GPHN: variants seen among roughly 807,000 people sequenced by gnomAD.
GPHN encodes gephyrin.
In GPHN, 17 loss-of-function variants were observed where a neutral mutation model predicts 95.5. That is an observed-to-expected ratio of 0.18 (90% confidence interval 0.12 to 0.27). GPHN has a LOEUF of 0.27. Among genes scored for constraint, GPHN ranks in the 10% least tolerant of loss-of-function variants. GPHN has a pLI of 1.00. For missense variants in GPHN, 660 were observed against 978.1 expected, an observed-to-expected ratio of 0.67 and a Z score of 4.34; for synonymous variants, 320 against 322.5, an observed-to-expected ratio of 0.99 and a Z score of 0.08.
chr14:67,200,541 A>C, the GPHN span: 1 of 239,422 alleles, frequency 4.2e-6, no homozygotes, highest in East Asian at 1.2e-4. Flanking sequence ...ATAAAACTAA[A>C]CTCCTTGTTT....
the GPHN span, chr14:67,320,546 T>G: frequency 1.4e-6 from 1 of 735,480 alleles, no homozygotes. Flanking sequence ...TGACAATTTT[T>G]AAATTAAAAA....
At chr14:67,667,033 A>G in the GPHN span, among the ~76,000 whole-genome samples, 1 of 152,196 alleles carries the variant, frequency 6.6e-6, no homozygotes, top group East Asian at 1.9e-4. Context: ...AACCACTTCA[A>G]ATACCACTAT....
At chr14:67,274,529 G>C in the GPHN span, among the ~76,000 whole-genome samples, 1 of 152,142 alleles carries the variant, frequency 6.6e-6, no homozygotes, top group African/African-American at 2.4e-5. Context: ...CTGTAACCTT[G>C]TAGTATAGTT....
chr14:67,288,926 G>T, the GPHN span, among the ~76,000 whole-genome samples: 1 of 149,218 alleles, frequency 6.7e-6, no homozygotes, highest in Non-Finnish European at 1.5e-5. Flanking sequence ...TATGTTTAGA[G>T]AATAATGACA....
chr14:66,601,065 A>G (rs771434001), intron 1 of GPHN, among the ~76,000 whole-genome samples: 2 of 152,076 alleles, frequency 1.3e-5, no homozygotes, highest in African/African-American at 2.4e-5. Context: ...ATTATAACAC[A>G]TACTATACAA....
intron 16 of GPHN, among the ~76,000 whole-genome samples, chr14:67,121,172 T>G (rs1258344017): frequency 6.6e-6 from 1 of 152,184 alleles, no homozygotes; most frequent in Non-Finnish European, 1.5e-5. Flanking sequence ...TTTTTTTACT[T>G]TATAATTTCT....
At chr14:66,772,543 CAG>C (rs1325018637) in intron 2 of GPHN, among the ~76,000 whole-genome samples, 1 of 152,156 alleles carries the variant, frequency 6.6e-6, no homozygotes, top group Admixed American at 6.5e-5. Flanking sequence ...AAGAGGAAGT[CAG>C]AGAGATTGGA....
At chr14:66,877,443 A>G (rs961124786) in intron 4 of GPHN, among the ~76,000 whole-genome samples, 1 of 152,186 alleles carries the variant, frequency 6.6e-6, no homozygotes, top group Non-Finnish European at 1.5e-5. Context: ...GAGGAAGTCA[A>G]ATTGTCTGTT....
At chr14:66,696,285 T>G (rs950899148) in intron 2 of GPHN, among the ~76,000 whole-genome samples, 5 of 152,214 alleles carry the variant, frequency 3.3e-5, no homozygotes, top group African/African-American at 1.2e-4. Context: ...TCTGCTCAAT[T>G]TTGCTGTAAA....
At chr14:67,383,453 C>G in the GPHN span, 2 of 1,611,908 alleles carry the variant, frequency 1.2e-6, no homozygotes, top group African/African-American at 2.7e-5. Flanking sequence ...TTGTGGGAAA[C>G]AGAGTCCAAT....
chr14:67,411,214 T>G, the GPHN span, among the ~76,000 whole-genome samples: 1 of 152,050 alleles, frequency 6.6e-6, no homozygotes, highest in Non-Finnish European at 1.5e-5. Flanking sequence ...GCTGCTCTTT[T>G]GTTCATCTTC....
intron 3 of GPHN, among the ~76,000 whole-genome samples, chr14:66,808,466 A>T (rs1477082017): frequency 6.6e-6 from 1 of 152,234 alleles, no homozygotes; most frequent in Admixed American, 6.5e-5. Flanking sequence ...GCTACAAGAG[A>T]TAATCATTGT....
chr14:67,651,072 T>G, the GPHN span: 7 of 1,000,414 alleles, frequency 7.0e-6, no homozygotes, highest in Non-Finnish European at 8.8e-6. Flanking sequence ...CCCTCTATTT[T>G]GGTGACCAAT....
chr14:67,385,084 T>C, the GPHN span: 3 of 152,174 alleles, frequency 2.0e-5, no homozygotes, highest in South Asian at 6.2e-4. Flanking sequence ...GGCCTTTTGC[T>C]CAGTTCCATG....
At chr14:67,432,772 A>G in the GPHN span, among the ~76,000 whole-genome samples, 5 of 151,978 alleles carry the variant, frequency 3.3e-5, no homozygotes, top group African/African-American at 1.2e-4. Flanking sequence ...CTGCTGCCTT[A>G]TGGTGGTTGC....
At chr14:67,301,077 A>G in the GPHN span, among the ~76,000 whole-genome samples, 3 of 152,260 alleles carry the variant, frequency 2.0e-5, no homozygotes, top group African/African-American at 7.2e-5. Context: ...GGTAACTGTT[A>G]GGACAGTTTT....
At chr14:66,561,934 C>G (rs905612729) in intron 1 of GPHN, among the ~76,000 whole-genome samples, 1 of 149,238 alleles carries the variant, frequency 6.7e-6, no homozygotes, top group Non-Finnish European at 1.5e-5. Flanking sequence ...TACCTTAGCT[C>G]ATGGCCTCTT....
At chr14:67,585,857 C>G in the GPHN span, 1 of 1,352,966 alleles carries the variant, frequency 7.4e-7, no homozygotes, top group Non-Finnish European at 1.0e-6. Flanking sequence ...TGGGAGTTCT[C>G]CTTTCCTGTG....
chr14:67,332,759 G>A, the GPHN span: 1 of 1,595,180 alleles, frequency 6.3e-7, no homozygotes, highest in African/African-American at 1.3e-5. Context: ...TTATCTCACA[G>A]TTTTTATCTT....
Sources: gnomAD v4.1 joint callset for allele counts (sites outside exome capture counted in the v4.1 genomes callset) on GRCh38, gnomAD v4.1.1 for gene constraint, MANE v1.5 for transcripts, NCBI Gene and HGNC (gene_info 2026-07-23, HGNC 2026-07-21) for gene names.